Variants in FOXO1 observed in about 807,000 individuals in gnomAD.
FOXO1 encodes forkhead box O1.
Under a neutral mutation model 44.1 loss-of-function variants are expected in FOXO1, and 6 were observed. That is an observed-to-expected ratio of 0.14 (90% CI 0.07 to 0.27). The LOEUF (loss-of-function observed/expected upper bound fraction) is 0.27, where lower values mean the gene tolerates loss of function less well. FOXO1 is among the 10% of genes least tolerant of loss of function. The pLI, the probability that FOXO1 is intolerant of heterozygous loss-of-function variation, is 1.00. For synonymous variants in FOXO1, 380 were observed against 362.7 expected, an observed-to-expected ratio of 1.05 and a Z score of -0.54; for missense variants, 737 against 888.8, an observed-to-expected ratio of 0.83 and a Z score of 2.17.
At chr13:40,612,851 C>T (rs1876282010) in intron 1 of FOXO1, among the ~76,000 whole-genome samples, 3 of 152,150 alleles carry the variant, frequency 2.0e-5, no homozygotes, top group African/African-American at 7.2e-5. Flanking sequence ...GTAGTATACA[C>T]AGGGTCTGAT....
At chr13:40,638,692 G>A (rs1254120012) in intron 1 of FOXO1, among the ~76,000 whole-genome samples, 2 of 152,206 alleles carry the variant, frequency 1.3e-5, no homozygotes, top group Non-Finnish European at 2.9e-5. Flanking sequence ...GGAGGAGGAG[G>A]AGGGGGCCTA....
At chr13:40,648,315 A>C (rs1462327960) in intron 1 of FOXO1, among the ~76,000 whole-genome samples, 2 of 152,198 alleles carry the variant, frequency 1.3e-5, no homozygotes, top group East Asian at 1.9e-4. Flanking sequence ...GCTCTTCCCA[A>C]CTGTTGATAC....
chr13:40,559,991 A>AGGGCCCATCATGACGTTC lies in FOXO1; in HGVS notation c.1482_1499dup (p.Val496_Asn501dup). 6.2e-7 allele frequency: 1 copy of AGGGCCCATCATGACGTTC among 1,614,142 alleles called. No individual in the cohort carries two copies. The highest frequency in any genetic ancestry group is 8.5e-7 in the Non-Finnish European group (1 of 1,180,030). ...TGCCATAGGTTGACATGACCGAATT[A>AGGGCCCATCATGACGTTC]GGGCCCATCATGACGTTCTGGCCCA... On this transcript the variant is annotated inframe_insertion, in exon 2 of 3. Transcript: ENST00000379561.
Position 40,560,023 on chromosome 13 carries a change from G to A in FOXO1, c.1468C>T (p.Arg490Trp), listed in dbSNP as rs374723626. 9.9e-6 allele frequency: 16 copies of A among 1,614,112 alleles called. No homozygotes were observed. The highest frequency in any genetic ancestry group is 3.3e-5 in the Admixed American group (2 of 60,022). Residue 490 changes from arginine (R) to tryptophan (W), a missense_variant, in exon 2 of 3, where the codon CGG becomes TGG. Arg to Trp is a moderately radical substitution (Grantham distance 101). Coordinates refer to ENST00000379561, the MANE Select transcript of FOXO1 (RefSeq NM_002015.4). The surrounding 1 kb of genome is among the most constrained non-coding windows in gnomAD (Gnocchi z 5.1). Reference protein sequence around the residue: ...VDPGVAQPNSRVLGQNVMMGP... With the variant: ...VDPGVAQPNSWVLGQNVMMGP... The stretch of plus-strand genomic sequence containing the variant: ...ATCATGACGTTCTGGCCCAGAACCC[G>A]GCTGTTGGGCTGGGCTACCCCAGGA...
chr13:40,640,867 T>C (rs1027391156), intron 1 of FOXO1, among the ~76,000 whole-genome samples: 1 of 152,148 alleles, frequency 6.6e-6, no homozygotes, highest in Non-Finnish European at 1.5e-5. Flanking sequence ...TACTGCAACC[T>C]CTGCCTCCTG....
Position 40,621,146 on chromosome 13 carries a change from G to A in FOXO1, c.630+44437C>T, listed in dbSNP as rs114217746. ...CAGACTGACAATCTTTCCACCCAGC[G>A]CTAGAGCATAACAGTATTGATAGTG... On this transcript the variant is annotated intron_variant, in intron 1 of 2. Transcript: ENST00000379561. 4,225 of 450,456 alleles carry A rather than the reference G, an allele frequency of 9.4e-3. 177 individuals are homozygous for A. Among genetic ancestry groups the A allele is most frequent in the African/African-American group, 0.081 (3,876 of 47,606 alleles). 27.9% of individuals were successfully genotyped at this position (450,456 alleles called of 1,614,324 possible).
intron 1 of FOXO1, among the ~76,000 whole-genome samples, chr13:40,635,958 C>T (rs1877134139): frequency 6.6e-6 from 1 of 152,196 alleles, no homozygotes; most frequent in South Asian, 2.1e-4. Flanking sequence ...CCCTGTAATC[C>T]CAGCCCTTTG....
At chr13:40,613,859 G>A (rs917946118) in intron 1 of FOXO1, among the ~76,000 whole-genome samples, 2 of 152,136 alleles carry the variant, frequency 1.3e-5, no homozygotes, top group Non-Finnish European at 1.5e-5. Context: ...GGATCCTCAC[G>A]GCTGGTACCA....
rs1352452754 is a variant in FOXO1, at chr13:40,555,716, TAATA to T, written c.*3329_*3332del. The T allele has an allele frequency of 1.3e-5, 2 of 152,690 alleles. No individual in the cohort carries two copies. Among genetic ancestry groups the T allele is most frequent in the Non-Finnish European group, 2.9e-5 (2 of 68,044 alleles). The allele number at this position is 152,690 out of a possible 1,614,324, so 9.5% of individuals were successfully genotyped here. On this transcript the variant is annotated 3_prime_UTR_variant, in exon 3 of 3. Coordinates refer to ENST00000379561, the MANE Select transcript of FOXO1 (RefSeq NM_002015.4). ...ATTTAATAGCTTCACAAAAAATTCC[TAATA>T]AAGAGCTTATTCTGCATAATTAGAA...
chr13:40,632,671 A>T lies in FOXO1; in HGVS notation c.630+32912T>A, dbSNP rs563365881. 1.0e-3 allele frequency among the ~76,000 whole-genome samples: 152 copies of T among 151,760 alleles called. 2 individuals carry two copies. Among genetic ancestry groups the T allele is most frequent in the African/African-American group, 3.3e-3 (137 of 41,400 alleles). ...AAAAGAAAAAAAAAGAGCCGGGCAC[A>T]GTGGCTCATGCCTGTAATCCCAGCA... On this transcript the variant is annotated intron_variant, in intron 1 of 2. Coordinates refer to ENST00000379561, the MANE Select transcript of FOXO1 (RefSeq NM_002015.4).
At chr13:40,573,045 G>A (rs1566064640) in intron 1 of FOXO1, among the ~76,000 whole-genome samples, 1 of 152,094 alleles carries the variant, frequency 6.6e-6, no homozygotes, top group Admixed American at 6.6e-5. Context: ...CCTCCTCAAT[G>A]TGCCCACACT....
chr13:40,582,817 T>C (rs1875008942), intron 1 of FOXO1, among the ~76,000 whole-genome samples: 1 of 152,232 alleles, frequency 6.6e-6, no homozygotes, highest in Non-Finnish European at 1.5e-5. Context: ...CCATGAAGAC[T>C]GGAATCAGCT....
chr13:40,626,982 T>C lies in FOXO1; in HGVS notation c.630+38601A>G, dbSNP rs149808624. ...TCACAGTGTGCAGAAAGAAGAAATG[T>C]ATGCATAACAATTCCTGGACATACA... On this transcript the variant is annotated intron_variant, in intron 1 of 2. Transcript: ENST00000379561. 1.9e-4 allele frequency among the ~76,000 whole-genome samples: 29 copies of C among 152,334 alleles called. No individual in the cohort carries two copies. In the East Asian group the frequency reaches 5.2e-3, roughly 27 times the overall value.
intron 1 of FOXO1, among the ~76,000 whole-genome samples, chr13:40,595,258 C>CT (rs557478968): frequency 6.6e-6 from 1 of 152,184 alleles, no homozygotes; most frequent in Non-Finnish European, 1.5e-5. Context: ...GCTTGACACA[C>CT]TTTGTAAAGA....
At chr13:40,611,124 T>G (rs767864563) in intron 1 of FOXO1, 1 of 440,740 alleles carries the variant, frequency 2.3e-6, no homozygotes, top group African/African-American at 2.0e-5. Context: ...GTAAAACTCA[T>G]CGTGACTGAG....
intron 1 of FOXO1, among the ~76,000 whole-genome samples, chr13:40,578,292 T>C (rs532750358): frequency 6.6e-6 from 1 of 152,234 alleles, no homozygotes; most frequent in South Asian, 2.1e-4. Context: ...CAGGCTACAG[T>C]TCATGGAGCT....
At chr13:40,648,977 A>G (rs1331202587) in intron 1 of FOXO1, among the ~76,000 whole-genome samples, 2 of 152,176 alleles carry the variant, frequency 1.3e-5, no homozygotes, top group African/African-American at 4.8e-5. Context: ...GGTCTGCGGG[A>G]AAGTGGCTGC....
intron 1 of FOXO1, among the ~76,000 whole-genome samples, chr13:40,566,379 A>AT (rs372577431): frequency 0.17 from 23,437 of 142,020 alleles, 1,878 homozygotes; most frequent in South Asian, 0.29. Context: ...ATTGACTTTC[A>AT]TTTTTTTTTT....
chr13:40,602,493 T>G (rs910348306), intron 1 of FOXO1, among the ~76,000 whole-genome samples: 10 of 152,090 alleles, frequency 6.6e-5, no homozygotes, highest in African/African-American at 2.4e-4. Context: ...ATGTGGAGGG[T>G]GGGGGAAGAT....
Sources: allele counts gnomAD v4.1 joint callset (sites outside exome capture counted in the v4.1 genomes callset), GRCh38; gene constraint gnomAD v4.1.1; non-coding constraint Gnocchi (gnomAD v3.1); transcripts MANE v1.5; gene names NCBI Gene and HGNC (gene_info 2026-07-23, HGNC 2026-07-21).